CREB5: variants seen among roughly 807,000 people sequenced by gnomAD.
CREB5 encodes the protein cAMP responsive element binding protein 5.
CREB5 carries 19 observed loss-of-function variants against 57.1 expected under a neutral mutation model. The observed-to-expected ratio is 0.33, with a 90% CI of 0.23 to 0.49. CREB5 has a LOEUF of 0.49. Ranked by LOEUF, CREB5 falls within the 20% of genes least tolerant of loss-of-function variation. The pLI, the probability that CREB5 is intolerant of heterozygous loss-of-function variation, is 0.99. For missense variants in CREB5, 579 were observed against 671.6 expected, an observed-to-expected ratio of 0.86 and a Z score of 1.52; for synonymous variants, 238 against 238.3, an observed-to-expected ratio of 1.00 and a Z score of 0.01.
chr7:28,686,086 A>T, intron 5 of CREB5: 1 of 1,585,762 alleles, frequency 6.3e-7, no homozygotes, highest in Middle Eastern at 1.7e-4. Flanking sequence ...AATGGGAAGG[A>T]TATGACTCAC....
At chr7:28,639,955 A>T (rs527566376) in intron 5 of CREB5, among the ~76,000 whole-genome samples, 13 of 152,182 alleles carry the variant, frequency 8.5e-5, no homozygotes, top group Non-Finnish European at 1.6e-4. Flanking sequence ...TAGATGTAAA[A>T]GACAAGTACT....
At chr7:28,582,405 T>C (rs189484870) in intron 5 of CREB5, among the ~76,000 whole-genome samples, 1 of 152,350 alleles carries the variant, frequency 6.6e-6, no homozygotes, top group African/African-American at 2.4e-5. Flanking sequence ...AGTAGTGTAT[T>C]GTTTGTATCA....
intron 1 of CREB5, among the ~76,000 whole-genome samples, chr7:28,473,956 G>A (rs1790946820): frequency 6.6e-6 from 1 of 152,168 alleles, no homozygotes; most frequent in Admixed American, 6.5e-5. Context: ...GCTCCTGACA[G>A]CCTCATTTTT....
intron 1 of CREB5, among the ~76,000 whole-genome samples, chr7:28,353,968 A>G (rs990016844): frequency 7.2e-5 from 11 of 152,186 alleles, no homozygotes; most frequent in African/African-American, 2.7e-4. Flanking sequence ...AGACACCATT[A>G]AAGACATTAT....
chr7:28,754,174 G>A (rs1195537941), intron 7 of CREB5, among the ~76,000 whole-genome samples: 1 of 152,142 alleles, frequency 6.6e-6, no homozygotes, highest in Non-Finnish European at 1.5e-5. Context: ...AAGGGAGAGT[G>A]AGGTAAGAAC....
chr7:28,790,676 G>A lies in CREB5; in HGVS notation c.703-13523G>A, dbSNP rs201258767. Among the ~76,000 whole-genome samples the A allele has an allele frequency of 8.7e-4, 132 of 152,320 alleles. 2 individuals are homozygous for A. Among genetic ancestry groups the A allele is most frequent in the African/African-American group, 2.8e-3 (117 of 41,566 alleles). On this transcript the variant is annotated intron_variant, in intron 7 of 10. Transcript: ENST00000357727. The stretch of plus-strand genomic sequence containing the variant: ...TTATCGTGGACATGCTGAAGGAAAC[G>A]TTTCAATCGAAACCCAGAGTAGCAA...
chr7:28,650,191 G>C (rs543340355), intron 5 of CREB5, among the ~76,000 whole-genome samples: 1 of 152,284 alleles, frequency 6.6e-6, no homozygotes, highest in East Asian at 1.9e-4. Context: ...GAAATGGAAA[G>C]GGTAATATTT....
intron 7 of CREB5, among the ~76,000 whole-genome samples, chr7:28,803,886 C>T (rs1382954133): frequency 1.3e-5 from 2 of 151,866 alleles, no homozygotes; most frequent in African/African-American, 4.8e-5. Flanking sequence ...CGATATAATG[C>T]ATGATTGGAT....
chr7:28,773,204 C>T (rs981678970), intron 7 of CREB5, among the ~76,000 whole-genome samples: 3 of 151,958 alleles, frequency 2.0e-5, no homozygotes, highest in Non-Finnish European at 4.4e-5. Context: ...GTTTGTTTGA[C>T]TATGTGGAAC....
At position 28,666,120 on chromosome 7, in the gene CREB5, A is replaced by G. The variant is rs78930488; in HGVS notation, c.465-52633A>G. 2.3e-3 allele frequency among the ~76,000 whole-genome samples: 346 copies of G among 152,328 alleles called. 9 individuals carry two copies. The East Asian group carries it at 0.042, about 19-fold the overall frequency. On this transcript the variant is annotated intron_variant, in intron 5 of 10. Transcript: ENST00000357727. ...TAAGGAGCGATTGCCAAAAGTTTGGATAATAAATGAGAAATACATGTTGTG... is the reference window on the plus strand; with the variant it reads ...TAAGGAGCGATTGCCAAAAGTTTGGGTAATAAATGAGAAATACATGTTGTG...
At chr7:28,537,783 A>G (rs1163042103) in intron 4 of CREB5, among the ~76,000 whole-genome samples, 1 of 152,272 alleles carries the variant, frequency 6.6e-6, no homozygotes, top group Non-Finnish European at 1.5e-5. Flanking sequence ...CATTGGAGTC[A>G]GTACATGCAC....
intron 1 of CREB5, among the ~76,000 whole-genome samples, chr7:28,482,417 A>G (rs1401504848): frequency 1.3e-5 from 2 of 152,226 alleles, no homozygotes; most frequent in African/African-American, 2.4e-5. Flanking sequence ...CGAAGTGCAA[A>G]TTGGCCATGG....
intron 5 of CREB5, among the ~76,000 whole-genome samples, chr7:28,711,661 C>T (rs1203627040): frequency 6.6e-6 from 1 of 152,112 alleles, no homozygotes; most frequent in Non-Finnish European, 1.5e-5. Context: ...TGGAAATATT[C>T]TCAAGGGCTT....
At chr7:28,658,353 T>C (rs1481052826) in intron 5 of CREB5, among the ~76,000 whole-genome samples, 1 of 152,234 alleles carries the variant, frequency 6.6e-6, no homozygotes, top group African/African-American at 2.4e-5. Flanking sequence ...CAATAGTTCC[T>C]ATCTACCTCT....
chr7:28,592,107 C>G (rs1796542160), intron 5 of CREB5, among the ~76,000 whole-genome samples: 1 of 152,192 alleles, frequency 6.6e-6, no homozygotes, highest in Non-Finnish European at 1.5e-5. Context: ...TCAGAGACCT[C>G]TGAACCCAAT....
intron 1 of CREB5, among the ~76,000 whole-genome samples, chr7:28,361,834 G>C (rs567537143): frequency 6.6e-6 from 1 of 152,296 alleles, no homozygotes; most frequent in African/African-American, 2.4e-5. Flanking sequence ...TTGGTAGAGG[G>C]GCTGGGGATG....
intron 7 of CREB5, chr7:28,726,739 C>T (rs976545551): frequency 5.3e-5 from 8 of 152,118 alleles, no homozygotes; most frequent in Admixed American, 3.3e-4. Context: ...AGGGTGTGTT[C>T]CCAGAGCACA....
At chr7:28,391,635 T>C (rs1017568997) in intron 1 of CREB5, among the ~76,000 whole-genome samples, 2 of 152,244 alleles carry the variant, frequency 1.3e-5, no homozygotes, top group African/African-American at 4.8e-5. Context: ...GTGTGCTTTT[T>C]GGTGACAGCC....
intron 5 of CREB5, among the ~76,000 whole-genome samples, chr7:28,645,113 C>T (rs1391798071): frequency 6.6e-6 from 1 of 152,278 alleles, no homozygotes; most frequent in African/African-American, 2.4e-5. Flanking sequence ...GGCTAGGTTT[C>T]GGCCCAGCCT....
Sources: gnomAD v4.1 joint callset for allele counts (sites outside exome capture counted in the v4.1 genomes callset) on GRCh38, gnomAD v4.1.1 for gene constraint, MANE v1.5 for transcripts, NCBI Gene and HGNC (gene_info 2026-07-23, HGNC 2026-07-21) for gene names.